Variants in RTCA observed in about 807,000 individuals in gnomAD.
RTCA encodes the protein RNA terminal phosphate cyclase domain 1.
RTCA carries 37 observed loss-of-function variants against 46.1 expected under a neutral mutation model. The observed-to-expected ratio is 0.80, with a 90% CI of 0.62 to 1.06. The LOEUF is 1.06. Among genes scored for constraint, RTCA ranks in the 50% least tolerant of loss-of-function variants. The pLI, the probability that RTCA is intolerant of heterozygous loss-of-function variation, is 0.00. For missense variants in RTCA, 435 were observed against 455.5 expected (o/e 0.95, Z 0.41); for synonymous variants, 164 against 158.3 (o/e 1.04, Z -0.27).
chr1:100,268,338 G>C, intron 3 of RTCA, 43 bp downstream of exon 3: 1 of 1,508,632 alleles, frequency 6.6e-7, no homozygotes, highest in Non-Finnish European at 9.0e-7. Flanking sequence ...CTGGGTTTAA[G>C]TCCAGGTTTT....
Position 100,273,427 on chromosome 1 carries a change from A to T in RTCA, c.448A>T (p.Ile150Leu), listed in dbSNP as rs139503358. ...FKPIVEKFGF[I>L]FNCDIKTRGY... is the part of the protein sequence containing the mutation. The stretch of plus-strand genomic sequence containing the variant: ...GCCAATTGTTGAAAAATTTGGTTTC[A>T]TATTTAATTGTGACATTAAAACAAG... The change falls in exon 5 of 11, where the codon ATA (isoleucine) becomes TTA (leucine). Residue 150 changes from isoleucine (I) to leucine (L), a missense_variant. Coordinates refer to ENST00000370128, the MANE Select transcript of RTCA (RefSeq NM_003729.4). 4 of 1,586,082 alleles carry T rather than the reference A, an allele frequency of 2.5e-6. No homozygotes were observed. The highest frequency in any genetic ancestry group is 1.8e-5 in the Admixed American group (1 of 56,520).
At chr1:100,271,809 C>T (rs1348628835) in intron 4 of RTCA, among the ~76,000 whole-genome samples, 2 of 152,122 alleles carry the variant, frequency 1.3e-5, no homozygotes, top group Admixed American at 6.5e-5. Context: ...AGAATAGTTC[C>T]GTTACTCTAA....
intron 9 of RTCA, 56 bp from the exon 10 acceptor site, chr1:100,287,043 T>G (rs1439074680): frequency 7.9e-7 from 1 of 1,258,060 alleles, no homozygotes; most frequent in East Asian, 2.6e-5. Flanking sequence ...GCAGTGGAAT[T>G]ATAATGCCAA....
At chr1:100,270,951 C>G (rs779352561) in intron 4 of RTCA, among the ~76,000 whole-genome samples, 7 of 151,746 alleles carry the variant, frequency 4.6e-5, no homozygotes, top group African/African-American at 7.3e-5. Flanking sequence ...CAGGCACACA[C>G]CCAGCCAATT....
Position 100,291,620 on chromosome 1 carries a change from T to G in RTCA, c.*116T>G, listed in dbSNP as rs41287264. On this transcript the variant is annotated 3_prime_UTR_variant, in exon 11 of 11. Transcript: ENST00000370128. ...CTATGACTTAAATTTGAAGATGAAG[T>G]ACAGTGTTCTAGGTTTGCTGAGAAG... 0.037 allele frequency: 24,167 copies of G among 645,558 alleles called. 664 individuals are homozygous for G. The highest frequency in any genetic ancestry group is 0.051 in the Non-Finnish European group (19,214 of 373,846). The allele number at this position is 645,558 out of a possible 1,614,324, so 40.0% of individuals were successfully genotyped here.
chr1:100,285,077 A>G, intron 8 of RTCA, 151 bp from the exon 9 acceptor site: 1 of 588,768 alleles, frequency 1.7e-6, no homozygotes, highest in South Asian at 2.0e-5. Context: ...AAATAACTAA[A>G]GATCTTATTC....
In RTCA at chr1:100,285,323, G is replaced by C; in HGVS notation, c.894+1G>C. On this transcript the variant is annotated splice_donor_variant, in intron 9 of 10. Transcript: ENST00000370128. LOFTEE classifies it high-confidence loss of function. ...TGTGGATGAGTATCTGCAAGACCAG[G>C]TAATGACACATTTAGGTTAAAAACC... 3.7e-6 allele frequency: 6 copies of C among 1,606,666 alleles called. No individual in the cohort carries two copies. The highest frequency in any genetic ancestry group is 5.1e-6 in the Non-Finnish European group (6 of 1,173,518).
intron 8 of RTCA, among the ~76,000 whole-genome samples, chr1:100,284,480 A>G (rs1340129740): frequency 6.7e-6 from 1 of 148,766 alleles, no homozygotes; most frequent in African/African-American, 2.5e-5. Context: ...TGCAACCTCC[A>G]CCTCCCAGGT....
At chr1:100,269,363 C>CT (rs61660356) in intron 3 of RTCA, among the ~76,000 whole-genome samples, 9,556 of 123,210 alleles carry the variant, frequency 0.078, 435 homozygotes, top group African/African-American at 0.13. Flanking sequence ...AGCTATCAGT[C>CT]TTTTTTTTTT....
rs558243369 is a variant in RTCA at position 100,270,428 on chromosome 1, C to T, written c.291-129C>T. On this transcript the variant is annotated intron_variant, in intron 3 of 10. Transcript: ENST00000370128. The stretch of plus-strand genomic sequence containing the variant: ...TGTTTTTTAACTAGAAACTCAATGG[C>T]ATATACCTGCCTTCACAGTTGTCTG... 9 of 1,074,654 alleles carry T rather than the reference C, an allele frequency of 8.4e-6. No homozygotes were observed. In the African/African-American group the frequency reaches 9.5e-5, roughly 11 times the overall value. 66.6% of individuals were successfully genotyped at this position (1,074,654 alleles called of 1,614,324 possible).
rs1375372145 is a variant in RTCA at position 100,266,309 on chromosome 1, A to G, written c.-67A>G. On this transcript the variant is annotated 5_prime_UTR_variant, in exon 1 of 11. Coordinates refer to ENST00000370128, the MANE Select transcript of RTCA (RefSeq NM_003729.4). ...TTTCTGAACTACTGGGCGGGAGCCAACGTCTCTTCTTTCTCCCGCTCTGGC... is the reference window on the plus strand; with the variant it reads ...TTTCTGAACTACTGGGCGGGAGCCAGCGTCTCTTCTTTCTCCCGCTCTGGC... The G allele has an allele frequency of 4.4e-6, 7 of 1,582,580 alleles. No homozygotes were observed. The highest frequency in any genetic ancestry group is 1.4e-5 in the African/African-American group (1 of 72,902).
chr1:100,271,118 G>A (rs1274827781), intron 4 of RTCA, among the ~76,000 whole-genome samples: 1 of 151,136 alleles, frequency 6.6e-6, no homozygotes, highest in Non-Finnish European at 1.5e-5. Context: ...GTTATATCTT[G>A]GAATAGTGTT....
chr1:100,268,331 G>T, intron 3 of RTCA, 36 bp downstream of exon 3: 1 of 1,533,004 alleles, frequency 6.5e-7, no homozygotes, highest in Non-Finnish European at 8.9e-7. Context: ...AAGTAACCTG[G>T]GTTTAAGTCC....
intron 8 of RTCA, among the ~76,000 whole-genome samples, chr1:100,278,361 T>C (rs1173863804): frequency 2.0e-5 from 3 of 152,252 alleles, no homozygotes; most frequent in African/African-American, 4.8e-5. Flanking sequence ...GATACATACA[T>C]GCATGTGTTT....
intron 8 of RTCA, among the ~76,000 whole-genome samples, chr1:100,280,591 AG>A (rs1179526785): frequency 6.6e-6 from 1 of 152,178 alleles, no homozygotes; most frequent in Non-Finnish European, 1.5e-5. Context: ...CAAATGCAAA[AG>A]TAACTTGTGG....
chr1:100,285,048 C>T (rs1446047538), intron 8 of RTCA, among the ~76,000 whole-genome samples, 180 bp from the exon 9 acceptor site: 1 of 152,146 alleles, frequency 6.6e-6, no homozygotes, highest in African/African-American at 2.4e-5. Context: ...ACTTGTGTAT[C>T]CCAAACACTC....
At chr1:100,289,196 A>G (rs765252727) in intron 10 of RTCA, among the ~76,000 whole-genome samples, 13 of 151,782 alleles carry the variant, frequency 8.6e-5, no homozygotes, top group Non-Finnish European at 2.9e-5. Flanking sequence ...TGGCAGTATC[A>G]TAGCTCACAG....
At chr1:100,280,636 T>C (rs1325523100) in intron 8 of RTCA, among the ~76,000 whole-genome samples, 2 of 152,150 alleles carry the variant, frequency 1.3e-5, no homozygotes, top group Non-Finnish European at 2.9e-5. Flanking sequence ...ATATTAAGGA[T>C]CTCAGAGAGA....
chr1:100,282,159 A>G (rs2100807416), intron 8 of RTCA, among the ~76,000 whole-genome samples: 1 of 152,344 alleles, frequency 6.6e-6, no homozygotes, highest in East Asian at 1.9e-4. Context: ...AATAAGCAAG[A>G]TTCTCATATT....
Sources: gnomAD v4.1 joint callset for allele counts (sites outside exome capture counted in the v4.1 genomes callset) on GRCh38, gnomAD v4.1.1 for gene constraint, MANE v1.5 for transcripts, NCBI Gene and HGNC (gene_info 2026-07-23, HGNC 2026-07-21) for gene names.